The following MYO5C variants were observed in gnomAD, a reference collection of about 807,000 sequenced individuals.
The protein encoded by MYO5C is unconventional myosin-Vc.
MYO5C carries 194 observed loss-of-function variants against 235.7 expected under a neutral mutation model. The ratio of observed to expected loss-of-function variants is 0.82; its 90% CI spans 0.73 to 0.93. The LOEUF (loss-of-function observed/expected upper bound fraction) is 0.93, where lower values mean the gene tolerates loss of function less well. MYO5C is among the 40% of genes least tolerant of loss of function. The pLI is 0.00. For synonymous variants in MYO5C, 707 were observed against 754.8 expected (o/e 0.94, Z 1.04); for missense variants, 2,038 against 2,127.2 (o/e 0.96, Z 0.82).
At position 52,193,992 on chromosome 15, in the gene MYO5C, T is replaced by G. The variant is rs762534462; in HGVS notation, c.5139A>C (p.Gln1713His). The G allele has an allele frequency of 1.9e-6, 3 of 1,613,762 alleles. No homozygotes were observed. The highest frequency in any genetic ancestry group is 1.7e-6 in the Non-Finnish European group (2 of 1,179,894). ...QLMLDTKYLF[Q>H]VTFPFTPSPH... ...GAGAGGGGGTAAAAGGAAATGTGAC[T>G]TGAAAGAGATATTTGGTATCCAACA... Residue 1713 changes from glutamine (Q) to histidine (H), a missense_variant, in exon 41 of 41, where the codon CAA (glutamine) becomes CAC (histidine). Transcript: ENST00000261839.
chr15:52,258,341 G>C (rs74951029), intron 10 of MYO5C, among the ~76,000 whole-genome samples: 2,944 of 152,256 alleles, frequency 0.019, 104 homozygotes, highest in South Asian at 0.15. Flanking sequence ...AGAAACTAAG[G>C]CTTGGAGAGG....
intron 29 of MYO5C, among the ~76,000 whole-genome samples, chr15:52,222,826 A>C (rs2035725095): frequency 6.6e-6 from 1 of 152,230 alleles, no homozygotes; most frequent in Non-Finnish European, 1.5e-5. Context: ...AGACAAATGC[A>C]GTGGCTAGGA....
At chr15:52,227,533 C>G (rs1008510122) in intron 25 of MYO5C, among the ~76,000 whole-genome samples, 1 of 152,006 alleles carries the variant, frequency 6.6e-6, no homozygotes, top group East Asian at 1.9e-4. Flanking sequence ...GAGAGTGAAC[C>G]AGTCTTAGCT....
chr15:52,254,245 A>G (rs1361574161), intron 11 of MYO5C, among the ~76,000 whole-genome samples: 1 of 152,204 alleles, frequency 6.6e-6, no homozygotes, highest in African/African-American at 2.4e-5. Context: ...CGGAGGGGTT[A>G]TGATGAGACC....
chr15:52,256,785 T>C, intron 10 of MYO5C, 65 bp from the exon 11 acceptor site: 4 of 1,296,316 alleles, frequency 3.1e-6, no homozygotes, highest in South Asian at 1.2e-5. Flanking sequence ...TGTTTATAGA[T>C]ATTTTTTGAC....
At chr15:52,199,869 G>A (rs1430807604) in intron 38 of MYO5C, among the ~76,000 whole-genome samples, 3 of 152,112 alleles carry the variant, frequency 2.0e-5, no homozygotes, top group African/African-American at 7.2e-5. Flanking sequence ...TAAGTACACT[G>A]CAGAGCAAAT....
rs199627457 is a variant in MYO5C at position 52,196,328 on chromosome 15, G to A, written c.4976C>T (p.Thr1659Ile). The change falls in exon 39 of 41, where the codon ACC (threonine) becomes ATC (isoleucine). Residue 1659 changes from threonine to isoleucine, a missense_variant. Transcript: ENST00000261839. Reference sequence around the variant, plus strand: ...GGTCACCTGCACAGCAGACAGTGAGGTGCAGCGTTCGTAGATCTCCTTGGC... The same window carrying A: ...GGTCACCTGCACAGCAGACAGTGAGATGCAGCGTTCGTAGATCTCCTTGGC... ...SDAKEIYERCTSLSAVQIIKI... is the reference protein window; with the variant it reads ...SDAKEIYERCISLSAVQIIKI... 138 of 1,612,078 alleles carry A rather than the reference G, an allele frequency of 8.6e-5. No homozygotes were observed. The African/African-American group carries it at 1.1e-3, about 13-fold the overall frequency.
rs1206663010 is a variant in MYO5C at position 52,282,711 on chromosome 15, C to T, written c.138+71G>A. The T allele has an allele frequency of 3.6e-6, 4 of 1,113,266 alleles. No individual in the cohort carries two copies. The African/African-American group carries it at 4.6e-5, about 13-fold the overall frequency. 69.0% of individuals were successfully genotyped at this position (1,113,266 alleles called of 1,614,324 possible). On this transcript the variant is annotated intron_variant, in intron 2 of 40. Coordinates refer to ENST00000261839, the MANE Select transcript of MYO5C (RefSeq NM_018728.4). The stretch of plus-strand genomic sequence containing the variant: ...GGGTGCCTCCCACGGGGTCCACGTG[C>T]TCCCATCCTTACACACACCCCAGCT...
intron 18 of MYO5C, among the ~76,000 whole-genome samples, chr15:52,245,115 A>AGG (rs2036309785): frequency 6.6e-6 from 1 of 152,224 alleles, no homozygotes; most frequent in African/African-American, 2.4e-5. Context: ...GGGAGAGCTA[A>AGG]ACAGGATACG....
chr15:52,276,731 A>C (rs1020241011), intron 4 of MYO5C, among the ~76,000 whole-genome samples: 3 of 152,188 alleles, frequency 2.0e-5, no homozygotes, highest in Admixed American at 6.5e-5. Flanking sequence ...TTTTGAGAGC[A>C]ATTATTCAAA....
At chr15:52,228,221 G>A (rs1027546490) in intron 25 of MYO5C, among the ~76,000 whole-genome samples, 2 of 151,658 alleles carry the variant, frequency 1.3e-5, no homozygotes, top group African/African-American at 4.9e-5. Flanking sequence ...TCGGCTCACT[G>A]CAACCTCCGC....
intron 23 of MYO5C, among the ~76,000 whole-genome samples, chr15:52,234,814 G>A (rs2036040115): frequency 6.6e-6 from 1 of 152,130 alleles, no homozygotes; most frequent in Admixed American, 6.6e-5. Context: ...TGAACTCCCA[G>A]GGCTCTGCAC....
rs529984659 is a variant in MYO5C, at chr15:52,244,400, G to C, written c.2346C>G (p.Ala782=). ...QRKKFLRERR[A]ALIIQQYFRG... is the part of the protein sequence containing the mutation. ...GGAAGTACTGCTGGATTATCAGGGC[G>C]GCTCGTCTCTCTCGGAGGAATTTTT... The change falls in exon 19 of 41, where the codon GCC becomes GCG. Residue 782 remains alanine, a synonymous_variant. Transcript: ENST00000261839. 1.9e-6 allele frequency: 3 copies of C among 1,613,920 alleles called. No individual in the cohort carries two copies. Among genetic ancestry groups the C allele is most frequent in the Non-Finnish European group, 2.5e-6 (3 of 1,180,010 alleles).
rs1312333843 is a variant in MYO5C at position 52,272,573 on chromosome 15, T to C, written c.750+7A>G. 1.2e-6 allele frequency: 2 copies of C among 1,609,470 alleles called. No homozygotes were observed. The highest frequency in any genetic ancestry group is 1.3e-5 in the African/African-American group (1 of 74,620). On this transcript the variant is annotated splice_region_variant and intron_variant, in intron 6 of 40. Transcript: ENST00000261839. ...AAAAGTTGGGGAAAAGGAAATTTAA[T>C]ACTTACTTGAAAGACAACTCTGGAT... is the stretch of plus-strand genomic sequence containing the variant.
chr15:52,257,659 A>C (rs954568446), intron 10 of MYO5C, among the ~76,000 whole-genome samples: 1 of 152,146 alleles, frequency 6.6e-6, no homozygotes, highest in African/African-American at 2.4e-5. Flanking sequence ...ACACAGCCCT[A>C]TGTGAAGGGC....
intron 16 of MYO5C, 61 bp from the exon 17 acceptor site, chr15:52,246,103 C>G (rs1017929720): frequency 2.7e-5 from 36 of 1,326,320 alleles, no homozygotes; most frequent in South Asian, 2.5e-4. Context: ...TGCCCATAAA[C>G]AGGCACAGCA....
rs753096653 is a variant in MYO5C, at chr15:52,218,662, G to A, written c.3811C>T (p.His1271Tyr). 1.2e-6 allele frequency: 2 copies of A among 1,614,012 alleles called. No individual in the cohort carries two copies. The highest frequency in any genetic ancestry group is 8.5e-7 in the Non-Finnish European group (1 of 1,180,018). ...RKALEAQNEIHTKEKEKLIDK... is the reference protein window; with the variant it reads ...RKALEAQNEIYTKEKEKLIDK... ...ATCAGCTTCTCCTTCTCTTTGGTAT[G>A]TATTTCATTTTGGGCTTCCAAGGCC... Residue 1271 changes from histidine (H) to tyrosine (Y), a missense_variant, in exon 32 of 41, where the codon CAT becomes TAT. Transcript: ENST00000261839.
intron 39 of MYO5C, 91 bp downstream of exon 39, chr15:52,196,218 G>T: frequency 7.8e-7 from 1 of 1,282,938 alleles, no homozygotes; most frequent in Non-Finnish European, 1.1e-6. Context: ...CAGAATCAGG[G>T]TGCCCACAGC....
chr15:52,202,332 G>A (rs2035207320), intron 38 of MYO5C, among the ~76,000 whole-genome samples: 1 of 152,148 alleles, frequency 6.6e-6, no homozygotes, highest in South Asian at 2.1e-4. Flanking sequence ...AGCCAAGATC[G>A]TGCCACTGTA....
Sources: gnomAD v4.1 joint callset for allele counts (sites outside exome capture counted in the v4.1 genomes callset) on GRCh38, gnomAD v4.1.1 for gene constraint, MANE v1.5 for transcripts, NCBI Gene and HGNC (gene_info 2026-07-23, HGNC 2026-07-21) for gene names.